The following SNX2 variants were observed in gnomAD, a reference collection of about 807,000 sequenced individuals.
SNX2 encodes the protein sorting nexin-2.
In SNX2, 25 loss-of-function variants were observed where a neutral mutation model predicts 69.9. The observed-to-expected ratio is 0.36, with a 90% CI of 0.26 to 0.50. The LOEUF (loss-of-function observed/expected upper bound fraction) is 0.50. Ranked by LOEUF, SNX2 falls within the 20% of genes least tolerant of loss-of-function variation. The pLI, the probability that SNX2 is intolerant of heterozygous loss-of-function variation, is 0.97. For synonymous variants in SNX2, 229 were observed against 200.4 expected (o/e 1.14, Z -1.20); for missense variants, 551 against 613.3 (o/e 0.90, Z 1.07).
intron 1 of SNX2, among the ~76,000 whole-genome samples, chr5:122,787,215 C>G (rs910249514): frequency 6.6e-5 from 10 of 152,084 alleles, no homozygotes; most frequent in Admixed American, 3.9e-4. Context: ...TTTTTGCAAC[C>G]TTTAAAGATT....
intron 11 of SNX2, among the ~76,000 whole-genome samples, chr5:122,823,577 C>T (rs1271803900): frequency 1.3e-5 from 2 of 152,168 alleles, no homozygotes; most frequent in Non-Finnish European, 1.5e-5. Flanking sequence ...AGCTTTTTCC[C>T]TGTATTGGTA....
intron 1 of SNX2, among the ~76,000 whole-genome samples, chr5:122,794,427 T>G (rs1290508059): frequency 6.6e-6 from 1 of 152,246 alleles, no homozygotes; most frequent in Non-Finnish European, 1.5e-5. Flanking sequence ...TAATTGGTCT[T>G]AATTCAACTA....
At chr5:122,798,037 T>G (rs1368301958) in intron 2 of SNX2, among the ~76,000 whole-genome samples, 1 of 152,174 alleles carries the variant, frequency 6.6e-6, no homozygotes, top group Non-Finnish European at 1.5e-5. Flanking sequence ...TCTCACAATA[T>G]TTTGCCTGTG....
intron 3 of SNX2, among the ~76,000 whole-genome samples, chr5:122,801,628 G>A (rs969799903): frequency 3.0e-5 from 4 of 131,774 alleles, no homozygotes; most frequent in Admixed American, 3.0e-4. Flanking sequence ...AAAAAAAATT[G>A]TTACTTCTCC....
At chr5:122,810,206 T>A (rs1024589810) in intron 7 of SNX2, among the ~76,000 whole-genome samples, 2 of 151,104 alleles carry the variant, frequency 1.3e-5, no homozygotes, top group East Asian at 3.9e-4. Context: ...GAAGGCAGCA[T>A]GCTCGTTAAG....
intron 1 of SNX2, among the ~76,000 whole-genome samples, chr5:122,786,431 C>T (rs1753090593): frequency 6.6e-6 from 1 of 151,806 alleles, no homozygotes; most frequent in African/African-American, 2.4e-5. Context: ...TTGTGGATTA[C>T]TTTATGTTTA....
chr5:122,800,783 T>C (rs1254195968), intron 3 of SNX2, among the ~76,000 whole-genome samples: 2 of 148,792 alleles, frequency 1.3e-5, no homozygotes, highest in Non-Finnish European at 3.0e-5. Context: ...AAAACAATTA[T>C]GGTTCAAAAC....
At chr5:122,810,284 T>G (rs1753740043) in intron 7 of SNX2, among the ~76,000 whole-genome samples, 1 of 150,080 alleles carries the variant, frequency 6.7e-6, no homozygotes, top group African/African-American at 2.5e-5. Flanking sequence ...CAGGGTCCTC[T>G]GCCTAGGAAA....
intron 6 of SNX2, among the ~76,000 whole-genome samples, chr5:122,807,485 A>C (rs1197703298): frequency 6.6e-6 from 1 of 152,206 alleles, no homozygotes; most frequent in Non-Finnish European, 1.5e-5. Flanking sequence ...TCATGTAAAA[A>C]GGATCATGCA....
intron 5 of SNX2, among the ~76,000 whole-genome samples, chr5:122,803,165 T>C (rs1753554818): frequency 6.6e-6 from 1 of 152,180 alleles, no homozygotes; most frequent in East Asian, 1.9e-4. Context: ...TTTGGATATA[T>C]TGGACTGAAG....
intron 12 of SNX2, 25 bp from the exon 13 acceptor site, chr5:122,827,354 T>C (rs752830881): frequency 6.3e-7 from 1 of 1,593,362 alleles, no homozygotes; most frequent in South Asian, 1.1e-5. Flanking sequence ...GAGATAAGCA[T>C]AAAATATTTC....
At chr5:122,823,477 ATTAG>A (rs1754070230) in intron 11 of SNX2, among the ~76,000 whole-genome samples, 3 of 152,184 alleles carry the variant, frequency 2.0e-5, no homozygotes. Flanking sequence ...CAGGGACCAA[ATTAG>A]TTTAGATTTA....
intron 14 of SNX2, among the ~76,000 whole-genome samples, chr5:122,829,188 T>A (rs1339213983): frequency 2.2e-5 from 3 of 138,318 alleles, no homozygotes; most frequent in Admixed American, 7.3e-5. Flanking sequence ...TATGGTTTTT[T>A]AATGTTGTTT....
intron 1 of SNX2, among the ~76,000 whole-genome samples, chr5:122,793,741 T>C (rs1048869410): frequency 6.7e-6 from 1 of 148,682 alleles, no homozygotes; most frequent in Admixed American, 6.7e-5. Flanking sequence ...GAACCCCATC[T>C]CTACTAAAAA....
chr5:122,829,784 A>G lies in SNX2; in HGVS notation c.*136A>G. 5.9e-6 allele frequency: 2 copies of G among 336,664 alleles called. No individual in the cohort carries two copies. The highest frequency in any genetic ancestry group is 1.0e-5 in the Non-Finnish European group (2 of 200,354). The allele number at this position is 336,664 out of a possible 1,614,324, so 20.9% of individuals were successfully genotyped here. A position where few individuals can be genotyped will look rare whatever the true frequency, so the allele number is the denominator to read the frequency against. On this transcript the variant is annotated 3_prime_UTR_variant, in exon 15 of 15. Coordinates refer to ENST00000379516, the MANE Select transcript of SNX2 (RefSeq NM_003100.4). The stretch of plus-strand genomic sequence containing the variant: ...TACATGTGGTTTTATATACACACAC[A>G]CACACACACACACACACACACACAC...
At chr5:122,786,409 T>G (rs571259671) in intron 1 of SNX2, among the ~76,000 whole-genome samples, 38 of 152,270 alleles carry the variant, frequency 2.5e-4, no homozygotes, top group African/African-American at 9.1e-4. Flanking sequence ...GTTTTTTTCC[T>G]TTTCTCCTTT....
intron 6 of SNX2, among the ~76,000 whole-genome samples, chr5:122,805,851 G>A (rs2150009931): frequency 6.6e-6 from 1 of 152,116 alleles, no homozygotes; most frequent in East Asian, 1.9e-4. Flanking sequence ...TGCTATCTTG[G>A]CTCACTGCAA....
intron 8 of SNX2, among the ~76,000 whole-genome samples, chr5:122,816,178 T>C (rs1462619751): frequency 6.6e-6 from 1 of 152,202 alleles, no homozygotes; most frequent in Non-Finnish European, 1.5e-5. Flanking sequence ...AGTCCCTTTC[T>C]TGAATACTTA....
In SNX2 at chr5:122,799,688, C is replaced by A; in HGVS notation, c.227-4C>A. On this transcript the variant is annotated splice_polypyrimidine_tract_variant and splice_region_variant and intron_variant, in intron 2 of 14. Coordinates refer to ENST00000379516, the MANE Select transcript of SNX2 (RefSeq NM_003100.4). ...CTTAACTAACTTGTTTAATCTATGT[C>A]TAGAAGCCACAGAAGAAGTTTCTTT... The A allele has an allele frequency of 6.2e-7, 1 of 1,609,914 alleles. No homozygotes were observed. Among genetic ancestry groups the A allele is most frequent in the Non-Finnish European group, 8.5e-7 (1 of 1,177,788 alleles).
Sources: allele counts gnomAD v4.1 joint callset (sites outside exome capture counted in the v4.1 genomes callset), GRCh38; gene constraint gnomAD v4.1.1; transcripts MANE v1.5; gene names NCBI Gene and HGNC (gene_info 2026-07-23, HGNC 2026-07-21).